The following ABCC12 variants were observed in gnomAD, a reference collection of about 807,000 sequenced individuals.
ABCC12 encodes ATP-binding cassette sub-family C member 12.
Under a neutral mutation model 151.1 loss-of-function variants are expected in ABCC12, and 142 were observed. The ratio of observed to expected loss-of-function variants is 0.94; its 90% CI spans 0.82 to 1.08. ABCC12 has a LOEUF of 1.08. Ranked by LOEUF, ABCC12 falls within the 50% of genes least tolerant of loss-of-function variation. The pLI is 0.00. For synonymous variants in ABCC12, 645 were observed against 646.4 expected, an observed-to-expected ratio of 1.00 and a Z score of 0.03; for missense variants, 1,638 against 1,691.1, an observed-to-expected ratio of 0.97 and a Z score of 0.55.
intron 22 of ABCC12, 83 bp from the exon 23 acceptor site, chr16:48,101,092 G>A: frequency 6.7e-7 from 1 of 1,493,346 alleles, no homozygotes; most frequent in Non-Finnish European, 9.1e-7. Flanking sequence ...AGCCAACTAG[G>A]CACTCAGCAC....
At chr16:48,100,754 C>T in intron 23 of ABCC12, 118 bp downstream of exon 23, 1 of 1,274,604 alleles carries the variant, frequency 7.8e-7, no homozygotes, top group Non-Finnish European at 1.1e-6. Flanking sequence ...CCTGATTCTT[C>T]CAGCTCTTTG....
intron 2 of ABCC12, among the ~76,000 whole-genome samples, chr16:48,148,760 A>G (rs988701476): frequency 2.0e-5 from 3 of 150,300 alleles, no homozygotes; most frequent in Non-Finnish European, 3.0e-5. Context: ...TAGTTTTTGT[A>G]TTTACTACTG....
intron 28 of ABCC12, among the ~76,000 whole-genome samples, chr16:48,086,015 T>A (rs1962581538): frequency 6.6e-6 from 1 of 152,178 alleles, no homozygotes; most frequent in South Asian, 2.1e-4. Flanking sequence ...CTTTCTGGAT[T>A]GCTGTTTCCA....
intron 24 of ABCC12, among the ~76,000 whole-genome samples, chr16:48,094,977 C>T (rs149119210): frequency 5.9e-5 from 9 of 151,814 alleles, no homozygotes; most frequent in East Asian, 1.9e-4. Flanking sequence ...AGAGCAAGAA[C>T]GAGAGAAACA....
rs777276689 is a variant in ABCC12, at chr16:48,133,640, G to C, written c.1128+47C>G. 2.8e-5 allele frequency: 44 copies of C among 1,599,582 alleles called. No homozygotes were observed. In the East Asian group the frequency reaches 9.9e-4, roughly 36 times the overall value. On this transcript the variant is annotated intron_variant, in intron 9 of 30. Transcript: ENST00000311303. Reference sequence around the variant, plus strand: ...AGGAAGGGCTTCCCACCTGGGACTTGCCGGGGTCAGGTTGTGAAAGAGCCT... The same window carrying C: ...AGGAAGGGCTTCCCACCTGGGACTTCCCGGGGTCAGGTTGTGAAAGAGCCT...
chr16:48,144,081 A>G lies in ABCC12; in HGVS notation c.120-16T>C. On this transcript the variant is annotated splice_polypyrimidine_tract_variant and intron_variant, in intron 3 of 30. Transcript: ENST00000311303. ...GGGTGCTAACCTGCAGACAAACAAGACACTCAGCGTTCCAGGCACTGGGGT... is the reference window on the plus strand; with the variant it reads ...GGGTGCTAACCTGCAGACAAACAAGGCACTCAGCGTTCCAGGCACTGGGGT... 6.2e-7 allele frequency: 1 copy of G among 1,607,544 alleles called. No individual in the cohort carries two copies. The highest frequency in any genetic ancestry group is 8.5e-7 in the Non-Finnish European group (1 of 1,175,798).
At chr16:48,087,801 G>T in intron 27 of ABCC12, 125 bp downstream of exon 27, 1 of 1,050,318 alleles carries the variant, frequency 9.5e-7, no homozygotes, top group Non-Finnish European at 1.4e-6. Flanking sequence ...GAGCCCCCCT[G>T]GGATACTGCT....
At chr16:48,146,501 T>A (rs952251648) in intron 2 of ABCC12, 27 bp from the exon 3 acceptor site, 1 of 1,189,442 alleles carries the variant, frequency 8.4e-7, no homozygotes. Context: ...GCAAAGGTTA[T>A]TGAGAGGTGA....
intron 24 of ABCC12, among the ~76,000 whole-genome samples, chr16:48,095,423 GAACT>G (rs777153581): frequency 2.6e-5 from 4 of 152,078 alleles, no homozygotes; most frequent in Admixed American, 2.6e-4. Context: ...AGCAGTGTGA[GAACT>G]AACACACTAA....
intron 10 of ABCC12, among the ~76,000 whole-genome samples, chr16:48,130,587 C>T (rs1472571120): frequency 6.6e-6 from 1 of 152,166 alleles, no homozygotes. Flanking sequence ...CTCGTCATTC[C>T]TACAGACAAC....
At position 48,105,182 on chromosome 16, in the gene ABCC12, G is replaced by A. The variant is rs754356403; in HGVS notation, c.2630C>T (p.Thr877Ile). ...VTKGFVFTKT[T>I]LMASSSLHDT... Reference sequence around the variant, plus strand: ...ATGCAGAGAGGAGGATGCCATCAGTGTGGTCTTGGTGAAGACGAAGCCTTT... The same window carrying A: ...ATGCAGAGAGGAGGATGCCATCAGTATGGTCTTGGTGAAGACGAAGCCTTT... The change falls in exon 21 of 31, where the codon ACA (threonine) becomes ATA (isoleucine). Residue 877 changes from threonine to isoleucine, a missense_variant. Coordinates refer to ENST00000311303, the MANE Select transcript of ABCC12 (RefSeq NM_001393797.1). 9 of 1,614,176 alleles carry A rather than the reference G, an allele frequency of 5.6e-6. No homozygotes were observed. The South Asian group carries it at 9.9e-5, about 18-fold the overall frequency.
In ABCC12 at chr16:48,146,479, G is replaced by A; in HGVS notation, c.-50-5C>T. The A allele has an allele frequency of 1.4e-6, 2 of 1,429,640 alleles. No individual in the cohort carries two copies. Among genetic ancestry groups the A allele is most frequent in the Non-Finnish European group, 2.0e-6 (2 of 1,014,610 alleles). 88.6% of individuals were successfully genotyped at this position (1,429,640 alleles called of 1,614,324 possible). ...TGGCCTGGGGACACTTTCACTCTATGGCAGAGAAATGGCAAAGGTTATTGA... is the reference window on the plus strand; with the variant it reads ...TGGCCTGGGGACACTTTCACTCTATAGCAGAGAAATGGCAAAGGTTATTGA... On this transcript the variant is annotated splice_region_variant and splice_polypyrimidine_tract_variant and intron_variant, in intron 2 of 30. Transcript: ENST00000311303.
chr16:48,128,569 AC>A lies in ABCC12; in HGVS notation c.1404del (p.Arg468SerfsTer32). 2.5e-6 allele frequency: 4 copies of A among 1,613,464 alleles called. No homozygotes were observed. The highest frequency in any genetic ancestry group is 3.4e-6 in the Non-Finnish European group (4 of 1,179,874). On this transcript the variant is annotated frameshift_variant, in exon 11 of 31. Coordinates refer to ENST00000311303, the MANE Select transcript of ABCC12 (RefSeq NM_001393797.1). LOFTEE classifies it high-confidence loss of function. ...NQKRHLCKKQ[R>X]SEAYSERSPP... is the part of the protein sequence containing the mutation. ...GGACTCCTCTCACTGTATGCCTCTG[AC>A]CTCTGTTTCTTGCATAAATGCCTTT... is the stretch of plus-strand genomic sequence containing the variant.
At chr16:48,105,031 G>A in intron 21 of ABCC12, 108 bp downstream of exon 21, 5 of 1,268,526 alleles carry the variant, frequency 3.9e-6, no homozygotes, top group Non-Finnish European at 5.7e-6. Context: ...AGCTCTATGA[G>A]GGCTCTGGCT....
chr16:48,142,618 G>C (rs58488427), intron 4 of ABCC12, among the ~76,000 whole-genome samples: 2,371 of 152,254 alleles, frequency 0.016, 63 homozygotes, highest in African/African-American at 0.055. Flanking sequence ...AATTCTAGAA[G>C]CAATTAGGAG....
chr16:48,105,564 A>C (rs1159951052), intron 20 of ABCC12, among the ~76,000 whole-genome samples: 1 of 152,166 alleles, frequency 6.6e-6, no homozygotes, highest in Non-Finnish European at 1.5e-5. Context: ...TTGTGAGCTC[A>C]GCACAGTGGG....
intron 2 of ABCC12, chr16:48,146,716 G>C: frequency 3.4e-6 from 1 of 297,190 alleles, no homozygotes; most frequent in Non-Finnish European, 6.3e-6. Flanking sequence ...GGTTGGCCAA[G>C]AGCAGAAAAC....
chr16:48,131,161 G>T (rs1432454269), intron 9 of ABCC12, among the ~76,000 whole-genome samples: 2 of 152,206 alleles, frequency 1.3e-5, no homozygotes, highest in Non-Finnish European at 2.9e-5. Context: ...GAAGGGAAAA[G>T]GTCTGAGGCA....
chr16:48,103,231 T>C (rs1272533034), intron 22 of ABCC12, among the ~76,000 whole-genome samples: 1 of 151,968 alleles, frequency 6.6e-6, no homozygotes, highest in Non-Finnish European at 1.5e-5. Flanking sequence ...TCTAGGAGCA[T>C]AATCCTGTGC....
Sources: gnomAD v4.1 joint callset for allele counts (sites outside exome capture counted in the v4.1 genomes callset) on GRCh38, gnomAD v4.1.1 for gene constraint, MANE v1.5 for transcripts, NCBI Gene and HGNC (gene_info 2026-07-23, HGNC 2026-07-21) for gene names.